FER: variants seen among roughly 807,000 people sequenced by gnomAD.
The protein encoded by FER is FER tyrosine kinase.
In FER, 63 loss-of-function variants were observed where a neutral mutation model predicts 111.0. The observed-to-expected ratio is 0.57, with a 90% CI of 0.46 to 0.70. FER has a LOEUF of 0.70. FER is among the 30% of genes least tolerant of loss of function. The pLI, the probability that FER is intolerant of heterozygous loss-of-function variation, is 0.00. For missense variants in FER, 914 were observed against 954.0 expected (o/e 0.96, Z 0.55); for synonymous variants, 327 against 313.9 (o/e 1.04, Z -0.44).
intron 13 of FER, among the ~76,000 whole-genome samples, chr5:109,020,193 T>A (rs544176167): frequency 2.6e-5 from 4 of 152,116 alleles, no homozygotes; most frequent in African/African-American, 7.2e-5. Context: ...AATTTCCAAT[T>A]TCCTGCATTT....
At chr5:108,765,925 T>C (rs948646735) in intron 1 of FER, among the ~76,000 whole-genome samples, 1 of 151,970 alleles carries the variant, frequency 6.6e-6, no homozygotes, top group African/African-American at 2.4e-5. Flanking sequence ...AGTGAAGTCA[T>C]GACTGAATTT....
At chr5:108,831,361 C>T (rs184593764) in intron 3 of FER, among the ~76,000 whole-genome samples, 9 of 152,024 alleles carry the variant, frequency 5.9e-5, no homozygotes, top group Admixed American at 5.2e-4. Context: ...GGCAAAGCTA[C>T]ATATATTATA....
intron 2 of FER, among the ~76,000 whole-genome samples, chr5:108,788,756 C>G (rs983860041): frequency 6.6e-6 from 1 of 152,064 alleles, no homozygotes; most frequent in Non-Finnish European, 1.5e-5. Flanking sequence ...GATTTTTAAC[C>G]TTAATATTTT....
chr5:109,081,200 C>T (rs1488495276), intron 16 of FER, among the ~76,000 whole-genome samples: 2 of 152,044 alleles, frequency 1.3e-5, no homozygotes, highest in East Asian at 3.8e-4. Flanking sequence ...AAAAGACGAT[C>T]TGCAAGTTTA....
intron 16 of FER, among the ~76,000 whole-genome samples, chr5:109,085,720 TCTA>T (rs1777491909): frequency 6.6e-6 from 1 of 151,682 alleles, no homozygotes; most frequent in African/African-American, 2.4e-5. Context: ...CCTAGGAAGT[TCTA>T]TTCTTTCCCT....
chr5:109,168,347 T>A (rs941149726), intron 17 of FER, among the ~76,000 whole-genome samples: 5 of 152,086 alleles, frequency 3.3e-5, no homozygotes, highest in Non-Finnish European at 7.4e-5. Context: ...AGCTTCAGGA[T>A]GGGGCCTAGT....
At chr5:108,933,660 G>A (rs1410322401) in intron 10 of FER, among the ~76,000 whole-genome samples, 1 of 152,072 alleles carries the variant, frequency 6.6e-6, no homozygotes, top group Non-Finnish European at 1.5e-5. Flanking sequence ...GATGCGGATA[G>A]CATTGAAGCA....
chr5:108,883,739 A>G (rs1765903826), intron 9 of FER, among the ~76,000 whole-genome samples: 1 of 152,008 alleles, frequency 6.6e-6, no homozygotes, highest in African/African-American at 2.4e-5. Context: ...TTTTGTAAAT[A>G]TAGCATTCTG....
chr5:109,023,829 T>C (rs564195042), intron 13 of FER, among the ~76,000 whole-genome samples: 107 of 152,212 alleles, frequency 7.0e-4, no homozygotes, highest in Non-Finnish European at 1.2e-3. Context: ...GTGGTTTGCT[T>C]AAAAGGAAAG....
At chr5:108,760,617 C>T (rs758911925) in intron 1 of FER, among the ~76,000 whole-genome samples, 1 of 152,192 alleles carries the variant, frequency 6.6e-6, no homozygotes, top group Non-Finnish European at 1.5e-5. Context: ...AGCCTCTTTC[C>T]TTCAGCCTCA....
At chr5:108,921,869 T>C (rs1248013059) in intron 10 of FER, among the ~76,000 whole-genome samples, 1 of 152,186 alleles carries the variant, frequency 6.6e-6, no homozygotes, top group African/African-American at 2.4e-5. Context: ...ACATCTGTTA[T>C]GGTTTGAATT....
intron 5 of FER, among the ~76,000 whole-genome samples, chr5:108,851,227 C>A (rs1198390914): frequency 6.6e-6 from 1 of 152,174 alleles, no homozygotes; most frequent in Non-Finnish European, 1.5e-5. Flanking sequence ...AGGGAGGCCT[C>A]ACAATCGTGG....
chr5:109,168,908 G>A (rs75169262), intron 17 of FER, among the ~76,000 whole-genome samples: 5,207 of 152,178 alleles, frequency 0.034, 144 homozygotes, highest in South Asian at 0.084. Flanking sequence ...AACCCTTCAG[G>A]CATGATAAAT....
At chr5:109,070,601 C>T (rs1336980993) in intron 16 of FER, among the ~76,000 whole-genome samples, 1 of 151,816 alleles carries the variant, frequency 6.6e-6, no homozygotes, top group Non-Finnish European at 1.5e-5. Flanking sequence ...AAGTGAATTG[C>T]GAGGTGGACC....
chr5:108,952,180 A>T (rs553437358), intron 11 of FER, among the ~76,000 whole-genome samples: 22 of 152,250 alleles, frequency 1.4e-4, no homozygotes, highest in African/African-American at 4.8e-4. Flanking sequence ...TCTTTGGCAA[A>T]AATCTCAGAT....
chr5:109,098,947 C>G (rs1747870246), intron 16 of FER, among the ~76,000 whole-genome samples: 2 of 151,462 alleles, frequency 1.3e-5, no homozygotes, highest in Admixed American at 6.6e-5. Context: ...TGTTTATTTT[C>G]TAGGTATTCT....
intron 3 of FER, among the ~76,000 whole-genome samples, chr5:108,806,728 C>G (rs1294017168): frequency 6.6e-6 from 1 of 152,150 alleles, no homozygotes; most frequent in African/African-American, 2.4e-5. Flanking sequence ...CCAGCGTCTC[C>G]CTTTTGGAAT....
chr5:108,920,354 A>T (rs1752861414), intron 10 of FER, among the ~76,000 whole-genome samples: 1 of 152,126 alleles, frequency 6.6e-6, no homozygotes. Flanking sequence ...CTGGTGTCAT[A>T]CATAAGGTAT....
At chr5:108,815,529 T>G (rs1320339938) in intron 3 of FER, among the ~76,000 whole-genome samples, 1 of 152,176 alleles carries the variant, frequency 6.6e-6, no homozygotes, top group Non-Finnish European at 1.5e-5. Context: ...GTTTAACAGC[T>G]ATTGTATTGT....
Sources: allele counts gnomAD v4.1 joint callset (sites outside exome capture counted in the v4.1 genomes callset), GRCh38; gene constraint gnomAD v4.1.1; transcripts MANE v1.5; gene names NCBI Gene and HGNC (gene_info 2026-07-23, HGNC 2026-07-21).